The following GPC3 variants were observed in gnomAD, a reference collection of about 807,000 sequenced individuals.
The protein encoded by GPC3 is glypican-3.
A neutral mutation model predicts 34.4 loss-of-function variants in GPC3; 3 were observed. The ratio of observed to expected loss-of-function variants is 0.09; its 90% CI spans 0.04 to 0.23. GPC3 has a LOEUF of 0.23. GPC3 is among the 10% of genes least tolerant of loss of function. The pLI is 1.00. For missense variants in GPC3, 351 were observed against 445.6 expected (o/e 0.79, Z 1.91); for synonymous variants, 177 against 174.0 (o/e 1.02, Z -0.13).
At chrX:133,800,458 T>C (rs2075603429) in intron 2 of GPC3, among the ~76,000 whole-genome samples, 1 of 112,292 alleles carries the variant, frequency 8.9e-6, no homozygotes, top group Admixed American at 9.4e-5. Flanking sequence ...TGATTTCATC[T>C]ACTCTGTTGT....
chrX:133,703,080 G>C (rs2071180346), intron 3 of GPC3, among the ~76,000 whole-genome samples: 1 of 112,188 alleles, frequency 8.9e-6, no homozygotes, highest in Non-Finnish European at 1.9e-5. Context: ...TATGCTGGGA[G>C]ACTTGAGTCT....
intron 7 of GPC3, among the ~76,000 whole-genome samples, chrX:133,566,281 T>C (rs997051839): frequency 1.8e-5 from 2 of 111,689 alleles, no homozygotes; most frequent in African/African-American, 6.5e-5. Flanking sequence ...CTAGACCATT[T>C]GTCTGGAGAA....
chrX:133,898,504 C>T (rs921766850), intron 2 of GPC3, among the ~76,000 whole-genome samples: 1 of 111,814 alleles, frequency 8.9e-6, no homozygotes, highest in African/African-American at 3.3e-5. Context: ...ATTTGGGTGG[C>T]AAATTGTAAA....
intron 5 of GPC3, among the ~76,000 whole-genome samples, chrX:133,681,343 A>G (rs1269714744): frequency 8.9e-6 from 1 of 112,061 alleles, no homozygotes; most frequent in African/African-American, 3.2e-5. Flanking sequence ...TTGTAAGTTT[A>G]AACACTCTAC....
rs192995972 is a variant in GPC3, at chrX:133,642,157, T to C, written c.1413+19573A>G. Among the ~76,000 whole-genome samples, 200 of 110,600 alleles carry C rather than the reference T, an allele frequency of 1.8e-3. 1 individual carries two copies. Among genetic ancestry groups the C allele is most frequent in the African/African-American group, 6.3e-3 (192 of 30,398 alleles). The stretch of plus-strand genomic sequence containing the variant: ...AAAAACAGACCAGCATTCACAGCTC[T>C]TTAATGATCACTCTTCTCCCATTGA... On this transcript the variant is annotated intron_variant, in intron 6 of 7. Coordinates refer to ENST00000370818, the MANE Select transcript of GPC3 (RefSeq NM_004484.4).
intron 4 of GPC3, 106 bp from the exon 5 acceptor site, chrX:133,692,600 G>A: frequency 1.5e-6 from 1 of 689,321 alleles, no homozygotes; most frequent in Middle Eastern, 3.5e-4. Context: ...AGGCTGATTA[G>A]AGCAATAAAT....
chrX:133,977,542 T>C (rs2076521777), intron 1 of GPC3, among the ~76,000 whole-genome samples: 1 of 111,902 alleles, frequency 8.9e-6, no homozygotes, highest in African/African-American at 3.3e-5. Flanking sequence ...CTTCACCATG[T>C]TTCCATCAGC....
At chrX:133,730,850 C>T (rs1490562043) in intron 3 of GPC3, among the ~76,000 whole-genome samples, 2 of 111,319 alleles carry the variant, frequency 1.8e-5, no homozygotes, top group Non-Finnish European at 3.8e-5. Flanking sequence ...TGCCAGAAGC[C>T]ATGTTTTAGT....
At chrX:133,683,280 G>A (rs1399067327) in intron 5 of GPC3, among the ~76,000 whole-genome samples, 1 of 112,330 alleles carries the variant, frequency 8.9e-6, no homozygotes, top group Non-Finnish European at 1.9e-5. Flanking sequence ...GGGCAGAGAA[G>A]CTCTAGTATG....
chrX:133,750,841 A>T (rs1237989935), intron 3 of GPC3, among the ~76,000 whole-genome samples: 1 of 110,246 alleles, frequency 9.1e-6, no homozygotes, highest in African/African-American at 3.3e-5. Context: ...TGGGCGGCCT[A>T]GGTGGGTGGA....
At chrX:133,676,525 G>A (rs2070885750) in intron 5 of GPC3, among the ~76,000 whole-genome samples, 2 of 112,188 alleles carry the variant, frequency 1.8e-5, no homozygotes, top group Non-Finnish European at 3.8e-5. Flanking sequence ...GAAAAGGTGA[G>A]CTGAAGTGTA....
At chrX:133,944,454 T>C (rs2076358805) in intron 2 of GPC3, among the ~76,000 whole-genome samples, 1 of 112,062 alleles carries the variant, frequency 8.9e-6, no homozygotes, top group African/African-American at 3.2e-5. Context: ...TGTAATCCAG[T>C]GGAATCAGTC....
chrX:133,580,679 A>T (rs1042586560), intron 7 of GPC3, among the ~76,000 whole-genome samples: 1 of 112,337 alleles, frequency 8.9e-6, no homozygotes, highest in South Asian at 3.7e-4. Flanking sequence ...TTCTAGTGCT[A>T]TGTGTCACAG....
chrX:133,878,358 C>T (rs1461250026), intron 2 of GPC3, among the ~76,000 whole-genome samples: 1 of 110,560 alleles, frequency 9.0e-6, no homozygotes, highest in Non-Finnish European at 1.9e-5. Context: ...ACCTGGGAAA[C>T]GGAGGTTGTA....
chrX:133,848,947 T>C (rs771826823), intron 2 of GPC3, among the ~76,000 whole-genome samples: 7 of 111,258 alleles, frequency 6.3e-5, no homozygotes, highest in Admixed American at 1.9e-4. Flanking sequence ...GGGGGAAACA[T>C]TTAATAAGTC....
chrX:133,741,381 GCAATTCT>G (rs1478226892), intron 3 of GPC3, among the ~76,000 whole-genome samples: 1 of 111,291 alleles, frequency 9.0e-6, no homozygotes, highest in African/African-American at 3.3e-5. Context: ...AAGTTTCCAT[GCAATTCT>G]CAAGGCCACA....
At chrX:133,776,880 T>TTTC (rs1556303642) in intron 2 of GPC3, among the ~76,000 whole-genome samples, 1 of 90,713 alleles carries the variant, frequency 1.1e-5, no homozygotes, top group Admixed American at 1.2e-4. Flanking sequence ...TTTCTTTTCT[T>TTTC]TTTTTTTTTT....
rs1186766438 is a variant in GPC3, at chrX:133,593,354, TAA to T, written c.1573+3084_1573+3085del. Among the ~76,000 whole-genome samples the T allele has an allele frequency of 2.2e-3, 103 of 47,686 alleles. 1 individual carries two copies. The highest frequency in any genetic ancestry group is 8.3e-3 in the African/African-American group (96 of 11,502). 41.4% of individuals were successfully genotyped at this position (47,686 alleles called of 115,157 possible). A position where few individuals can be genotyped will look rare whatever the true frequency, so the allele number is the denominator to read the frequency against. ...TCAAAAAAAAAAAAAAAAAAAAAAG[TAA>T]AAAAAAAAAAAAAAAGAAATAAACA... is the stretch of plus-strand genomic sequence containing the variant. On this transcript the variant is annotated intron_variant, in intron 7 of 7. Coordinates refer to ENST00000370818, the MANE Select transcript of GPC3 (RefSeq NM_004484.4).
At chrX:133,874,985 C>T (rs1380681796) in intron 2 of GPC3, among the ~76,000 whole-genome samples, 2 of 112,133 alleles carry the variant, frequency 1.8e-5, no homozygotes, top group Non-Finnish European at 3.8e-5. Flanking sequence ...GATAATGTGT[C>T]AAGGACAGAT....
Sources: allele counts gnomAD v4.1 joint callset (sites outside exome capture counted in the v4.1 genomes callset), GRCh38; gene constraint gnomAD v4.1.1; transcripts MANE v1.5; gene names NCBI Gene and HGNC (gene_info 2026-07-23, HGNC 2026-07-21).